CNTN5: variants seen among roughly 807,000 people sequenced by gnomAD.
CNTN5 encodes contactin-5.
A neutral mutation model predicts 129.1 loss-of-function variants in CNTN5; 77 were observed. The ratio of observed to expected loss-of-function variants is 0.60; its 90% CI spans 0.50 to 0.72. CNTN5 has a LOEUF of 0.72. Among genes scored for constraint, CNTN5 ranks in the 30% least tolerant of loss-of-function variants. CNTN5 has a pLI of 0.00. For synonymous variants in CNTN5, 509 were observed against 465.6 expected (o/e 1.09, Z -1.20); for missense variants, 1,478 against 1,328.8 (o/e 1.11, Z -1.75).
At chr11:100,009,515 G>C (rs562787927) in intron 9 of CNTN5, among the ~76,000 whole-genome samples, 69 of 152,174 alleles carry the variant, frequency 4.5e-4, no homozygotes, top group African/African-American at 1.6e-3. Flanking sequence ...CATATGGAAG[G>C]TTATTATCAA....
At chr11:100,178,866 C>T (rs1392070734) in intron 13 of CNTN5, among the ~76,000 whole-genome samples, 1 of 152,136 alleles carries the variant, frequency 6.6e-6, no homozygotes, top group African/African-American at 2.4e-5. Flanking sequence ...CCAGCTGACC[C>T]CCAATGGGTG....
intron 2 of CNTN5, among the ~76,000 whole-genome samples, chr11:99,426,947 G>A (rs2726416): frequency 0.54 from 81,956 of 151,992 alleles, 23,269 homozygotes; most frequent in African/African-American, 0.72. Flanking sequence ...TAATAATCTT[G>A]TATTTTTAAA....
chr11:100,070,424 C>T lies in CNTN5; in HGVS notation c.1163C>T (p.Thr388Ile), dbSNP rs775030200. ...NSFRGQLQVY[T>I]YPHWVEKLND... ...TTGTTTACTGCTTACATACTTACAG[C>T]CTACCCACACTGGGTAGAAAAACTG... Residue 388 changes from threonine to isoleucine, a missense_variant and splice_region_variant, in exon 11 of 25, where the codon ACC becomes ATC. Transcript: ENST00000524871. 1.9e-6 allele frequency: 3 copies of T among 1,610,964 alleles called. No homozygotes were observed. Among genetic ancestry groups the T allele is most frequent in the Non-Finnish European group, 2.5e-6 (3 of 1,178,304 alleles).
chr11:100,226,213 C>T (rs1167591471), intron 16 of CNTN5, among the ~76,000 whole-genome samples: 1 of 152,012 alleles, frequency 6.6e-6, no homozygotes, highest in Non-Finnish European at 1.5e-5. Context: ...AACTGCAAAC[C>T]CTACACTCAG....
Position 99,950,340 on chromosome 11 carries a change from G to T in CNTN5, c.674-6466G>T, listed in dbSNP as rs572382250. On this transcript the variant is annotated intron_variant, in intron 7 of 24. Transcript: ENST00000524871. ...AAAAATACAAAAAAAAATTAGCCAG[G>T]TGTGGTGGTGGGCGCCTGTAGTCCC... is the stretch of plus-strand genomic sequence containing the variant. Among the ~76,000 whole-genome samples the T allele has an allele frequency of 2.5e-3, 379 of 152,284 alleles. 2 individuals are homozygous for T. Among genetic ancestry groups the T allele is most frequent in the African/African-American group, 8.5e-3 (353 of 41,570 alleles).
intron 1 of CNTN5, among the ~76,000 whole-genome samples, chr11:99,277,643 G>A (rs1195015209): frequency 4.6e-5 from 7 of 151,346 alleles, no homozygotes; most frequent in African/African-American, 1.7e-4. Context: ...TTTGCTATTT[G>A]CAGTACTGAA....
chr11:99,166,759 C>CTTTTT (rs10700454), intron 1 of CNTN5, among the ~76,000 whole-genome samples: 78 of 143,934 alleles, frequency 5.4e-4, no homozygotes, highest in South Asian at 2.0e-3. Context: ...TTTCCTTTTT[C>CTTTTT]TTTTTTTTTT....
chr11:99,627,230 G>A (rs1373606417), intron 3 of CNTN5, among the ~76,000 whole-genome samples: 2 of 152,032 alleles, frequency 1.3e-5, no homozygotes, highest in African/African-American at 2.4e-5. Context: ...TATATCCCTC[G>A]CCTTACTTTC....
chr11:99,944,981 A>T (rs1230805873), intron 7 of CNTN5, among the ~76,000 whole-genome samples: 3 of 152,098 alleles, frequency 2.0e-5, no homozygotes, highest in Non-Finnish European at 4.4e-5. Context: ...ATTCTAGTCT[A>T]GGGAAATAAC....
intron 1 of CNTN5, among the ~76,000 whole-genome samples, chr11:99,243,446 G>A (rs1364298663): frequency 6.6e-6 from 1 of 152,026 alleles, no homozygotes. Context: ...TTGCTGTGCA[G>A]AAGAAGCTCT....
At chr11:100,000,688 C>G (rs1435242483) in intron 8 of CNTN5, among the ~76,000 whole-genome samples, 5 of 152,212 alleles carry the variant, frequency 3.3e-5, no homozygotes, top group Non-Finnish European at 5.9e-5. Context: ...CTGCATTGCC[C>G]TAGTAGAGGT....
chr11:100,265,133 A>C (rs1008674935), intron 17 of CNTN5, among the ~76,000 whole-genome samples: 2 of 152,020 alleles, frequency 1.3e-5, no homozygotes, highest in African/African-American at 4.8e-5. Context: ...ACTTCTAAAA[A>C]CCCAAGAATT....
At chr11:100,037,984 C>T (rs1025779110) in intron 9 of CNTN5, among the ~76,000 whole-genome samples, 21 of 152,042 alleles carry the variant, frequency 1.4e-4, no homozygotes, top group South Asian at 4.2e-4. Context: ...CTGCTCTGAT[C>T]TTAGTTATAT....
chr11:99,840,254 G>T (rs1468196235), intron 4 of CNTN5, among the ~76,000 whole-genome samples: 4 of 151,394 alleles, frequency 2.6e-5, no homozygotes. Flanking sequence ...TAATGATAAA[G>T]AAAGAATACA....
At chr11:99,182,731 TC>T (rs1379461979) in intron 1 of CNTN5, among the ~76,000 whole-genome samples, 6 of 152,224 alleles carry the variant, frequency 3.9e-5, no homozygotes, top group Non-Finnish European at 8.8e-5. Context: ...CTTTATTTAG[TC>T]GTCAAGCCAG....
chr11:99,384,609 G>C (rs1027355908), intron 2 of CNTN5, among the ~76,000 whole-genome samples: 1 of 152,248 alleles, frequency 6.6e-6, no homozygotes, highest in East Asian at 1.9e-4. Context: ...AAAGTGTCAC[G>C]AGAAACTTCT....
intron 16 of CNTN5, among the ~76,000 whole-genome samples, chr11:100,227,252 C>A (rs1306121708): frequency 3.9e-5 from 6 of 152,022 alleles, no homozygotes; most frequent in Non-Finnish European, 5.9e-5. Context: ...TTTTTATTGT[C>A]TTCCTTCCCA....
At chr11:99,834,912 C>A (rs1296091371) in intron 4 of CNTN5, among the ~76,000 whole-genome samples, 1 of 152,184 alleles carries the variant, frequency 6.6e-6, no homozygotes, top group South Asian at 2.1e-4. Context: ...CTTGCCCTAG[C>A]CATTTATTTG....
At chr11:99,987,440 A>G (rs1441622329) in intron 8 of CNTN5, among the ~76,000 whole-genome samples, 4 of 151,344 alleles carry the variant, frequency 2.6e-5, no homozygotes, top group Non-Finnish European at 5.9e-5. Flanking sequence ...TATACATAAT[A>G]TATGCACATA....
Sources: gnomAD v4.1 joint callset for allele counts (sites outside exome capture counted in the v4.1 genomes callset) on GRCh38, gnomAD v4.1.1 for gene constraint, MANE v1.5 for transcripts, NCBI Gene and HGNC (gene_info 2026-07-23, HGNC 2026-07-21) for gene names.